Variants in HAT1 observed in about 807,000 individuals in gnomAD.
HAT1 encodes histone acetyltransferase type B catalytic subunit.
HAT1 carries 20 observed loss-of-function variants against 56.6 expected under a neutral mutation model. The ratio of observed to expected loss-of-function variants is 0.35; its 90% confidence interval spans 0.25 to 0.51. HAT1 has a LOEUF of 0.51. Ranked by LOEUF, HAT1 falls within the 20% of genes least tolerant of loss-of-function variation. The probability of loss-of-function intolerance (pLI) is 0.95; values close to 1 mark genes in which losing one functional copy is unlikely to be tolerated. For synonymous variants in HAT1, 146 were observed against 165.5 expected (o/e 0.88, Z 0.91); for missense variants, 408 against 504.3 (o/e 0.81, Z 1.83).
chr2:171,936,343 A>C (rs1486103511), intron 2 of HAT1, among the ~76,000 whole-genome samples: 1 of 152,198 alleles, frequency 6.6e-6, no homozygotes, highest in African/African-American at 2.4e-5. Flanking sequence ...CCACTACCTG[A>C]GAGGTCTGTA....
At chr2:171,962,502 C>G (rs754973168) in intron 4 of HAT1, among the ~76,000 whole-genome samples, 6 of 152,174 alleles carry the variant, frequency 3.9e-5, no homozygotes, top group Admixed American at 3.9e-4. Flanking sequence ...TCAAGTGATT[C>G]TCCTGCCTCA....
At chr2:171,950,683 T>G (rs1248154220) in intron 3 of HAT1, among the ~76,000 whole-genome samples, 1 of 152,062 alleles carries the variant, frequency 6.6e-6, no homozygotes, top group Non-Finnish European at 1.5e-5. Flanking sequence ...TTTGTATTTT[T>G]AGTAGAGACG....
intron 8 of HAT1, among the ~76,000 whole-genome samples, chr2:171,974,215 AAAAAAGAAAT>A (rs1687905846): frequency 1.0e-5 from 1 of 96,058 alleles, no homozygotes. Flanking sequence ...AAGAAAAAAA[AAAAAAGAAAT>A]ATCTCCATTT....
intron 2 of HAT1, among the ~76,000 whole-genome samples, chr2:171,944,611 A>G (rs1687111247): frequency 6.6e-6 from 1 of 152,140 alleles, no homozygotes; most frequent in Non-Finnish European, 1.5e-5. Flanking sequence ...TGGTACAGTC[A>G]GGGGTCCTAG....
Position 171,925,576 on chromosome 2 carries a change from G to C in HAT1, c.47G>C (p.Ser16Thr), listed in dbSNP as rs750742581. ...GAGAAATTTTTGGTAGAATATAAGA[G>C]TGCAGTGGAGAAGAAACTGGCAGAG... ...AMEKFLVEYK[S>T]AVEKKLAEYK... is the part of the protein sequence containing the mutation. Residue 16 changes from serine (S) to threonine (T), a missense_variant, in exon 2 of 11, where the codon AGT becomes ACT. Transcript: ENST00000264108. 1.3e-6 allele frequency: 2 copies of C among 1,582,420 alleles called. No individual in the cohort carries two copies. The highest frequency in any genetic ancestry group is 1.7e-6 in the Non-Finnish European group (2 of 1,151,220).
intron 2 of HAT1, among the ~76,000 whole-genome samples, chr2:171,929,096 T>C (rs1399676982): frequency 6.6e-6 from 1 of 152,240 alleles, no homozygotes; most frequent in Non-Finnish European, 1.5e-5. Context: ...ACCAACATTT[T>C]ATGTTGTCAG....
intron 2 of HAT1, among the ~76,000 whole-genome samples, chr2:171,926,833 C>T (rs1309688977): frequency 1.3e-5 from 2 of 152,124 alleles, no homozygotes; most frequent in African/African-American, 2.4e-5. Flanking sequence ...TGTATGTTCA[C>T]GCAAAAACTT....
intron 2 of HAT1, among the ~76,000 whole-genome samples, chr2:171,934,564 G>T (rs541159980): frequency 1.2e-4 from 19 of 152,160 alleles, no homozygotes; most frequent in Non-Finnish European, 2.5e-4. Flanking sequence ...AGAAGAAGGC[G>T]TTGGAGATTT....
intron 2 of HAT1, among the ~76,000 whole-genome samples, chr2:171,926,300 A>T (rs11693293): frequency 6.7e-6 from 1 of 149,932 alleles, no homozygotes; most frequent in Admixed American, 6.7e-5. Context: ...TTTATAAAAA[A>T]TTTTTTTTTT....
intron 3 of HAT1, 52 bp downstream of exon 3, chr2:171,946,835 C>A (rs752285416): frequency 2.6e-5 from 20 of 781,822 alleles, no homozygotes; most frequent in Non-Finnish European, 4.0e-5. Context: ...AAAAAATTTT[C>A]ATTCTTTTTC....
Position 171,979,267 on chromosome 2 carries a change from T to C in HAT1, c.996T>C (p.Tyr332=). Residue 332 remains tyrosine (Y), a synonymous_variant, in exon 10 of 11, where the codon TAT becomes TAC. Transcript: ENST00000264108. ...TCTAGCAACACGCTAGAAGGGTTTA[T>C]GAAATTCTTCGACTACTGGTAACTG... ...KINKQHARRV[Y]EILRLLVTDM... is the part of the protein sequence containing the mutation. The C allele has an allele frequency of 1.3e-6, 2 of 1,574,220 alleles. No individual in the cohort carries two copies. Among genetic ancestry groups the C allele is most frequent in the Non-Finnish European group, 1.7e-6 (2 of 1,155,544 alleles).
At chr2:171,947,683 G>A (rs572959058) in intron 3 of HAT1, among the ~76,000 whole-genome samples, 24 of 152,246 alleles carry the variant, frequency 1.6e-4, no homozygotes, top group African/African-American at 4.8e-4. Context: ...GTTCCAGACC[G>A]GCCTGGCTAA....
At chr2:171,951,090 C>T (rs984553640) in intron 3 of HAT1, among the ~76,000 whole-genome samples, 8 of 152,200 alleles carry the variant, frequency 5.3e-5, no homozygotes, top group Non-Finnish European at 1.2e-4. Flanking sequence ...GGATTACAGG[C>T]GTGAGCCACT....
At chr2:171,952,042 C>A (rs1375973362) in intron 3 of HAT1, among the ~76,000 whole-genome samples, 2 of 152,162 alleles carry the variant, frequency 1.3e-5, no homozygotes, top group Non-Finnish European at 2.9e-5. Flanking sequence ...CTAAAAAAAT[C>A]AGAATACAGC....
At chr2:171,961,172 G>T (rs1687565379) in intron 4 of HAT1, among the ~76,000 whole-genome samples, 1 of 151,954 alleles carries the variant, frequency 6.6e-6, no homozygotes, top group Non-Finnish European at 1.5e-5. Flanking sequence ...AGGCATGATG[G>T]CATGCTCCTG....
intron 2 of HAT1, 60 bp from the exon 3 acceptor site, chr2:171,946,648 T>G: frequency 1.1e-6 from 1 of 949,266 alleles, no homozygotes; most frequent in South Asian, 1.4e-5. Context: ...TAGGAATACC[T>G]GTCACCTTCA....
chr2:171,935,970 A>C (rs1686863277), intron 2 of HAT1, among the ~76,000 whole-genome samples: 1 of 152,146 alleles, frequency 6.6e-6, no homozygotes. Context: ...CAATGTTTGA[A>C]ATAGAGATTA....
At chr2:171,925,500 C>T (rs1008091535) in intron 1 of HAT1, 37 bp from the exon 2 acceptor site, 2 of 923,514 alleles carry the variant, frequency 2.2e-6, no homozygotes, top group Admixed American at 1.7e-5. Context: ...ATTTAAGTCA[C>T]TTCCAAACTA....
At chr2:171,941,524 C>T (rs554719757) in intron 2 of HAT1, among the ~76,000 whole-genome samples, 21 of 152,266 alleles carry the variant, frequency 1.4e-4, no homozygotes, top group African/African-American at 3.1e-4. Context: ...TATTTGCATC[C>T]GCTCCCCAGT....
Sources: gnomAD v4.1 joint callset for allele counts (sites outside exome capture counted in the v4.1 genomes callset) on GRCh38, gnomAD v4.1.1 for gene constraint, MANE v1.5 for transcripts, NCBI Gene and HGNC (gene_info 2026-07-23, HGNC 2026-07-21) for gene names.